POU6F2: variants seen among roughly 807,000 people sequenced by gnomAD.
The protein encoded by POU6F2 is POU domain, class 6, transcription factor 2.
POU6F2 carries 31 observed loss-of-function variants against 71.3 expected under a neutral mutation model. The ratio of observed to expected loss-of-function variants is 0.43; its 90% CI spans 0.33 to 0.59. The LOEUF is 0.59. Ranked by LOEUF, POU6F2 falls within the 20% of genes least tolerant of loss-of-function variation. The pLI is 0.04. For missense variants in POU6F2, 783 were observed against 856.8 expected (o/e 0.91, Z 1.07); for synonymous variants, 347 against 355.7 (o/e 0.98, Z 0.27).
intron 4 of POU6F2, among the ~76,000 whole-genome samples, chr7:39,246,438 C>T (rs1390368649): frequency 7.6e-6 from 1 of 131,624 alleles, no homozygotes; most frequent in Non-Finnish European, 1.7e-5. Flanking sequence ...AAGCTGACCC[C>T]CTACTGAAAG....
intron 3 of POU6F2, 34 bp from the exon 4 acceptor site, chr7:39,207,358 G>T (rs754012201): frequency 1.3e-6 from 2 of 1,596,806 alleles, no homozygotes; most frequent in South Asian, 1.1e-5. Context: ...TGGTTCCACA[G>T]GAAAGTGAGC....
At chr7:38,997,859 A>G (rs1411247133) in intron 1 of POU6F2, among the ~76,000 whole-genome samples, 1 of 152,192 alleles carries the variant, frequency 6.6e-6, no homozygotes, top group African/African-American at 2.4e-5. Context: ...GAATTTTTAG[A>G]GGAAAGAGAT....
At chr7:39,291,388 T>A (rs1213429838) in intron 4 of POU6F2, among the ~76,000 whole-genome samples, 1 of 152,262 alleles carries the variant, frequency 6.6e-6, no homozygotes, top group Non-Finnish European at 1.5e-5. Context: ...AATTTTTCTC[T>A]TTATTTATGA....
At chr7:38,999,042 A>C (rs926829469) in intron 1 of POU6F2, among the ~76,000 whole-genome samples, 1 of 152,096 alleles carries the variant, frequency 6.6e-6, no homozygotes, top group Non-Finnish European at 1.5e-5. Context: ...AATTATGCTT[A>C]ATGACTCAAC....
intron 1 of POU6F2, among the ~76,000 whole-genome samples, chr7:39,009,460 A>G (rs936509010): frequency 1.3e-5 from 2 of 152,206 alleles, no homozygotes; most frequent in African/African-American, 4.8e-5. Context: ...CAATCATGTC[A>G]TCTGCAAACA....
intron 5 of POU6F2, among the ~76,000 whole-genome samples, chr7:39,365,420 TAAAA>T (rs1786480848): frequency 1.3e-5 from 2 of 152,200 alleles, no homozygotes; most frequent in Non-Finnish European, 2.9e-5. Context: ...ATCTAAGACC[TAAAA>T]CTACAAAAAT....
intron 1 of POU6F2, among the ~76,000 whole-genome samples, chr7:39,052,390 T>G (rs1199165414): frequency 6.6e-6 from 1 of 152,132 alleles, no homozygotes; most frequent in African/African-American, 2.4e-5. Context: ...CTCACAGCTC[T>G]GCATGGCTGG....
intron 6 of POU6F2, among the ~76,000 whole-genome samples, chr7:39,414,097 T>G (rs886108177): frequency 1.6e-4 from 25 of 152,008 alleles, no homozygotes; most frequent in Admixed American, 1.4e-3. Context: ...AACCCTGTAT[T>G]CCCCAACCGA....
At chr7:39,404,061 A>G (rs1391990175) in intron 5 of POU6F2, among the ~76,000 whole-genome samples, 2 of 152,238 alleles carry the variant, frequency 1.3e-5, no homozygotes, top group African/African-American at 2.4e-5. Flanking sequence ...TAAGAGGGAA[A>G]GGCAGCAAAA....
intron 7 of POU6F2, among the ~76,000 whole-genome samples, chr7:39,440,366 A>G (rs995987861): frequency 6.6e-6 from 1 of 152,126 alleles, no homozygotes. Flanking sequence ...TATTTCTTGG[A>G]GGCTTTCTTC....
chr7:39,207,341 C>T, intron 3 of POU6F2, 51 bp from the exon 4 acceptor site: 1 of 1,556,400 alleles, frequency 6.4e-7, no homozygotes, highest in Middle Eastern at 1.7e-4. Context: ...TTTTAAAACC[C>T]ATGCCTTGGT....
intron 2 of POU6F2, among the ~76,000 whole-genome samples, chr7:39,172,959 C>G (rs1483477692): frequency 6.6e-6 from 1 of 151,798 alleles, no homozygotes; most frequent in Non-Finnish European, 1.5e-5. Context: ...TAGAGAAGTA[C>G]TGTCCAATAG....
chr7:39,129,547 T>C (rs954926630), intron 2 of POU6F2, among the ~76,000 whole-genome samples: 1 of 152,172 alleles, frequency 6.6e-6, no homozygotes, highest in Non-Finnish European at 1.5e-5. Flanking sequence ...CCAATGCCTG[T>C]TTGTTAATTG....
chr7:39,359,289 A>C (rs1786326808), intron 5 of POU6F2, among the ~76,000 whole-genome samples: 1 of 152,192 alleles, frequency 6.6e-6, no homozygotes, highest in Non-Finnish European at 1.5e-5. Flanking sequence ...ACCACTTCTA[A>C]GCCTCATTGT....
chr7:39,255,370 A>C (rs542421130), intron 4 of POU6F2, among the ~76,000 whole-genome samples: 1 of 152,324 alleles, frequency 6.6e-6, no homozygotes, highest in East Asian at 1.9e-4. Context: ...GTAGATGAGA[A>C]TATGCTCCAC....
At chr7:39,367,450 A>T (rs1786524279) in intron 5 of POU6F2, among the ~76,000 whole-genome samples, 1 of 152,220 alleles carries the variant, frequency 6.6e-6, no homozygotes, top group African/African-American at 2.4e-5. Flanking sequence ...GTTTCTCTTG[A>T]TAGATGAGTT....
chr7:39,373,890 C>T (rs1490264675), intron 5 of POU6F2, among the ~76,000 whole-genome samples: 1 of 151,694 alleles, frequency 6.6e-6, no homozygotes, highest in Admixed American at 6.6e-5. Flanking sequence ...AGTTTTTTTT[C>T]AAAGAAATAA....
chr7:39,258,392 A>G (rs1291721749), intron 4 of POU6F2, among the ~76,000 whole-genome samples: 4 of 152,166 alleles, frequency 2.6e-5, no homozygotes, highest in Non-Finnish European at 5.9e-5. Context: ...TTATCCAGAC[A>G]TTTTCACATA....
intron 1 of POU6F2, among the ~76,000 whole-genome samples, chr7:39,036,927 G>A (rs975426309): frequency 1.3e-5 from 2 of 151,336 alleles, no homozygotes; most frequent in Admixed American, 1.3e-4. Flanking sequence ...AGGTTCAAGG[G>A]TACATGTGCA....
Sources: gnomAD v4.1 joint callset for allele counts (sites outside exome capture counted in the v4.1 genomes callset) on GRCh38, gnomAD v4.1.1 for gene constraint, MANE v1.5 for transcripts, NCBI Gene and HGNC (gene_info 2026-07-23, HGNC 2026-07-21) for gene names.